Variants in CUL5 observed in about 807,000 individuals in gnomAD.
The protein encoded by CUL5 is cullin-5.
Under a neutral mutation model 108.8 loss-of-function variants are expected in CUL5, and 26 were observed. The observed-to-expected ratio is 0.24, with a 90% CI of 0.18 to 0.33. The LOEUF (loss-of-function observed/expected upper bound fraction) is 0.33, where lower values mean the gene tolerates loss of function less well. CUL5 is among the 10% of genes least tolerant of loss of function. The pLI, the probability that CUL5 is intolerant of heterozygous loss-of-function variation, is 1.00. For missense variants in CUL5, 524 were observed against 909.2 expected (o/e 0.58, Z 5.45); for synonymous variants, 334 against 298.0 (o/e 1.12, Z -1.25).
At chr11:108,084,394 A>G (rs1429644845) in intron 11 of CUL5, among the ~76,000 whole-genome samples, 33 of 152,212 alleles carry the variant, frequency 2.2e-4, no homozygotes, top group Admixed American at 2.2e-3. Flanking sequence ...AGGCTAAGCA[A>G]TACTGCTGGG....
chr11:108,009,450 C>A, intron 1 of CUL5, 78 bp downstream of exon 1: 1 of 1,508,630 alleles, frequency 6.6e-7, no homozygotes, highest in Non-Finnish European at 9.2e-7. Context: ...GGCTCAGGTT[C>A]AGCTGCGAAG....
chr11:108,029,577 G>T (rs1381586792), intron 1 of CUL5, among the ~76,000 whole-genome samples: 2 of 152,144 alleles, frequency 1.3e-5, no homozygotes, highest in South Asian at 2.1e-4. Flanking sequence ...GTAGATAGTG[G>T]ATTTGGTGTC....
At chr11:108,062,914 C>A (rs1863576415) in intron 7 of CUL5, among the ~76,000 whole-genome samples, 1 of 152,122 alleles carries the variant, frequency 6.6e-6, no homozygotes, top group African/African-American at 2.4e-5. Context: ...GGCGGGATCT[C>A]AGCTCACCGC....
At chr11:108,043,456 AATTT>A (rs752065447) in intron 2 of CUL5, among the ~76,000 whole-genome samples, 7 of 152,166 alleles carry the variant, frequency 4.6e-5, no homozygotes, top group Non-Finnish European at 8.8e-5. Flanking sequence ...ATCATTTTGT[AATTT>A]ATTCTAAGAG....
At chr11:108,025,049 A>G (rs1048577139) in intron 1 of CUL5, among the ~76,000 whole-genome samples, 7 of 152,116 alleles carry the variant, frequency 4.6e-5, no homozygotes, top group Non-Finnish European at 1.5e-5. Flanking sequence ...ATTAGAAAAC[A>G]TTTTTGCATT....
At chr11:108,041,306 G>A (rs1240094726) in intron 2 of CUL5, among the ~76,000 whole-genome samples, 3 of 150,394 alleles carry the variant, frequency 2.0e-5, no homozygotes, top group Non-Finnish European at 4.4e-5. Flanking sequence ...TTTTGAGACG[G>A]AGTCTCTGTT....
intron 7 of CUL5, among the ~76,000 whole-genome samples, chr11:108,066,717 G>A (rs1466495086): frequency 6.6e-6 from 1 of 152,196 alleles, no homozygotes; most frequent in African/African-American, 2.4e-5. Context: ...TCAAGCACCA[G>A]CTGTGTGCCA....
chr11:108,086,207 C>G (rs1023354405), intron 11 of CUL5, among the ~76,000 whole-genome samples: 1 of 152,078 alleles, frequency 6.6e-6, no homozygotes, highest in African/African-American at 2.4e-5. Flanking sequence ...CAAATTAAAC[C>G]ATTCCTAGGT....
At chr11:108,094,004 A>G (rs1158761137) in intron 13 of CUL5, among the ~76,000 whole-genome samples, 1 of 152,246 alleles carries the variant, frequency 6.6e-6, no homozygotes, top group Non-Finnish European at 1.5e-5. Flanking sequence ...ATAGATTTTG[A>G]AAGAAGTATT....
intron 1 of CUL5, among the ~76,000 whole-genome samples, chr11:108,022,530 G>A (rs1350786481): frequency 6.6e-6 from 1 of 152,134 alleles, no homozygotes; most frequent in Non-Finnish European, 1.5e-5. Context: ...TTTTTAAGCA[G>A]TGATATGTTC....
chr11:108,071,292 G>A (rs1020884339), intron 8 of CUL5, among the ~76,000 whole-genome samples: 5 of 151,868 alleles, frequency 3.3e-5, no homozygotes, highest in Non-Finnish European at 5.9e-5. Flanking sequence ...ACTGGGTCTC[G>A]CTGTGTTGCC....
intron 1 of CUL5, among the ~76,000 whole-genome samples, chr11:108,016,832 G>A (rs1457626012): frequency 6.6e-6 from 1 of 152,020 alleles, no homozygotes; most frequent in African/African-American, 2.4e-5. Context: ...ATACAGCTCA[G>A]GTTAAAACTT....
Position 108,009,103 on chromosome 11 carries a change from TC to T in CUL5, c.-244del. ...TTCTCAGCATTCGCCGTTCCGGTCTTCCTGAGCGCGTGCATGAGGTCTTTCG... is the reference window on the plus strand; with the variant it reads ...TTCTCAGCATTCGCCGTTCCGGTCTTCTGAGCGCGTGCATGAGGTCTTTCG... On this transcript the variant is annotated 5_prime_UTR_variant, in exon 1 of 19. It removes the in-frame stop codon of an upstream open reading frame in the 5' UTR. Coordinates refer to ENST00000393094, the MANE Select transcript of CUL5 (RefSeq NM_003478.6). 1.8e-6 allele frequency: 1 copy of T among 566,760 alleles called. No homozygotes were observed. The allele number at this position is 566,760 out of a possible 1,614,324, so 35.1% of individuals were successfully genotyped here. A position where few individuals can be genotyped will look rare whatever the true frequency, so the allele number is the denominator to read the frequency against.
chr11:108,039,356 T>C (rs72996480), intron 2 of CUL5, among the ~76,000 whole-genome samples: 15,886 of 152,134 alleles, frequency 0.1, 1,232 homozygotes, highest in East Asian at 0.34. Flanking sequence ...GAACACTCCT[T>C]CTGTGTCTTT....
At chr11:108,081,468 G>A (rs1286640116) in intron 11 of CUL5, among the ~76,000 whole-genome samples, 2 of 150,402 alleles carry the variant, frequency 1.3e-5, no homozygotes, top group Non-Finnish European at 3.0e-5. Flanking sequence ...AAAATCGGTT[G>A]GCTGCCAGGC....
intron 13 of CUL5, among the ~76,000 whole-genome samples, chr11:108,091,717 A>ACG (rs1253837595): frequency 6.6e-6 from 1 of 151,382 alleles, no homozygotes; most frequent in South Asian, 2.1e-4. Flanking sequence ...ACACACACAC[A>ACG]CACACACACA....
At chr11:108,015,876 TAGAA>T (rs1210573428) in intron 1 of CUL5, among the ~76,000 whole-genome samples, 3 of 152,172 alleles carry the variant, frequency 2.0e-5, no homozygotes. Flanking sequence ...TGCTGGAAGG[TAGAA>T]AGAGGATACT....
At chr11:108,026,281 C>T (rs1285566810) in intron 1 of CUL5, among the ~76,000 whole-genome samples, 8 of 152,136 alleles carry the variant, frequency 5.3e-5, no homozygotes, top group Non-Finnish European at 7.4e-5. Flanking sequence ...GTGCTATTTG[C>T]ACCTTAAATC....
At chr11:108,096,328 T>A (rs1279522437) in intron 16 of CUL5, among the ~76,000 whole-genome samples, 9 of 120,002 alleles carry the variant, frequency 7.5e-5, no homozygotes, top group Admixed American at 1.8e-4. Context: ...ATCCCATCTC[T>A]AAAAAAAAAA....
Sources: allele counts gnomAD v4.1 joint callset (sites outside exome capture counted in the v4.1 genomes callset), GRCh38; gene constraint gnomAD v4.1.1; transcripts MANE v1.5; gene names NCBI Gene and HGNC (gene_info 2026-07-23, HGNC 2026-07-21).